The following HACD2 variants were observed in gnomAD, a reference collection of about 807,000 sequenced individuals.
HACD2 encodes the protein very-long-chain (3R)-3-hydroxyacyl-CoA dehydratase 2.
Under a neutral mutation model 31.0 loss-of-function variants are expected in HACD2, and 15 were observed. That is an observed-to-expected ratio of 0.48 (90% confidence interval 0.32 to 0.75). The LOEUF is 0.75. Among genes scored for constraint, HACD2 ranks in the 30% least tolerant of loss-of-function variants. The pLI, the probability that HACD2 is intolerant of heterozygous loss-of-function variation, is 0.03. For synonymous variants in HACD2, 115 were observed against 122.2 expected, an observed-to-expected ratio of 0.94 and a Z score of 0.39; for missense variants, 283 against 313.0, an observed-to-expected ratio of 0.90 and a Z score of 0.72.
At chr3:123,522,332 CAAAAA>C (rs34478912) in intron 4 of HACD2, among the ~76,000 whole-genome samples, 1 of 116,908 alleles carries the variant, frequency 8.6e-6, no homozygotes, top group South Asian at 2.7e-4. Context: ...TGTCTCCAAA[CAAAAA>C]AAAAAAAAAA....
chr3:123,528,241 C>T (rs879898504), intron 4 of HACD2, 145 bp downstream of exon 4: 3 of 614,304 alleles, frequency 4.9e-6, no homozygotes, highest in Non-Finnish European at 5.9e-6. Context: ...CCAGTTCCTA[C>T]AGTGAATGTG....
intron 3 of HACD2, among the ~76,000 whole-genome samples, chr3:123,534,798 T>TTGTGTGTGTG (rs71142740): frequency 1.9e-4 from 29 of 149,082 alleles, no homozygotes; most frequent in East Asian, 3.9e-4. Context: ...AGACGTAGGC[T>TTGTGTGTGTG]TGTGTGTGTG....
chr3:123,577,481 T>C (rs820440), intron 2 of HACD2, among the ~76,000 whole-genome samples: 57,470 of 151,262 alleles, frequency 0.38, 16,340 homozygotes, highest in African/African-American at 0.78. Context: ...ATTAGCCGGG[T>C]GTGGTGGCGG....
intron 4 of HACD2, chr3:123,502,977 A>T (rs2055923855): frequency 3.3e-6 from 1 of 299,752 alleles, no homozygotes; most frequent in Non-Finnish European, 6.4e-6. Flanking sequence ...TCATGCGGAG[A>T]ATGTGGACTG....
intron 3 of HACD2, among the ~76,000 whole-genome samples, chr3:123,547,091 T>C (rs1335925086): frequency 6.6e-6 from 1 of 152,196 alleles, no homozygotes; most frequent in Non-Finnish European, 1.5e-5. Context: ...ATGTGGCAAC[T>C]CAATGTCAGG....
chr3:123,571,478 A>T (rs962131328), intron 2 of HACD2, among the ~76,000 whole-genome samples: 5 of 152,324 alleles, frequency 3.3e-5, no homozygotes, highest in Middle Eastern at 3.4e-3. Context: ...AACAAGAGGG[A>T]TTCAGCAGGC....
rs1328987308 is a variant in HACD2 at position 123,502,937 on chromosome 3, G to A, written c.382-256C>T. Reference sequence around the variant, plus strand: ...GCAGCAGGGTGGGGGTAACAAACACGAGGGGTGGGGATTTACAGGTTTGCC... The same window carrying A: ...GCAGCAGGGTGGGGGTAACAAACACAAGGGGTGGGGATTTACAGGTTTGCC... On this transcript the variant is annotated intron_variant, in intron 4 of 6. Coordinates refer to ENST00000383657, the MANE Select transcript of HACD2 (RefSeq NM_198402.5). The A allele has an allele frequency of 3.4e-5, 13 of 382,172 alleles. No individual in the cohort carries two copies. The East Asian group carries it at 4.8e-4, about 14-fold the overall frequency. The allele number at this position is 382,172 out of a possible 1,614,324, so 23.7% of individuals were successfully genotyped here.
chr3:123,516,513 C>T (rs895844339), intron 4 of HACD2, among the ~76,000 whole-genome samples: 13 of 152,050 alleles, frequency 8.5e-5, no homozygotes, highest in Admixed American at 5.2e-4. Context: ...GGATTACAGG[C>T]GTGTGCCACC....
intron 3 of HACD2, among the ~76,000 whole-genome samples, chr3:123,550,120 G>A (rs7652791): frequency 0.057 from 8,639 of 152,194 alleles, 813 homozygotes; most frequent in African/African-American, 0.2. Context: ...ACCAGCCTGG[G>A]CAACATAGTG....
chr3:123,562,364 C>T (rs775775689), intron 3 of HACD2, among the ~76,000 whole-genome samples: 176 of 152,138 alleles, frequency 1.2e-3, no homozygotes, highest in Middle Eastern at 3.4e-3. Context: ...TTGTCACAAC[C>T]GTGAGCAAGA....
chr3:123,549,278 T>C (rs2056593908), intron 3 of HACD2, among the ~76,000 whole-genome samples: 1 of 152,150 alleles, frequency 6.6e-6, no homozygotes, highest in Non-Finnish European at 1.5e-5. Flanking sequence ...TTATAGACCC[T>C]TGACTCCTTT....
chr3:123,551,283 C>T (rs1315940086), intron 3 of HACD2, among the ~76,000 whole-genome samples: 1 of 152,058 alleles, frequency 6.6e-6, no homozygotes, highest in Non-Finnish European at 1.5e-5. Flanking sequence ...ATCCTCAGTG[C>T]TTTGTCAGTG....
intron 3 of HACD2, among the ~76,000 whole-genome samples, chr3:123,532,954 G>A (rs2056382525): frequency 1.3e-5 from 2 of 151,844 alleles, no homozygotes; most frequent in Admixed American, 6.6e-5. Flanking sequence ...ATACAGGTAG[G>A]AAATTTGTTT....
intron 2 of HACD2, among the ~76,000 whole-genome samples, chr3:123,570,929 CACACACACACACACAT>C (rs1381394700): frequency 6.6e-6 from 1 of 151,664 alleles, no homozygotes; most frequent in African/African-American, 2.4e-5. Flanking sequence ...CACACACACA[CACACACACACACACAT>C]ACACACACAC....
intron 3 of HACD2, among the ~76,000 whole-genome samples, chr3:123,559,706 G>T (rs2056707966): frequency 1.3e-5 from 2 of 152,180 alleles, no homozygotes; most frequent in Non-Finnish European, 2.9e-5. Flanking sequence ...GCACCTTAAG[G>T]TCTCAATAAT....
intron 4 of HACD2, among the ~76,000 whole-genome samples, chr3:123,523,911 T>C (rs2056248355): frequency 6.6e-6 from 1 of 152,226 alleles, no homozygotes; most frequent in Non-Finnish European, 1.5e-5. Context: ...AGTGCAATGA[T>C]TTCAGATCTT....
chr3:123,582,834 G>A (rs1421054999), intron 1 of HACD2, among the ~76,000 whole-genome samples: 1 of 151,672 alleles, frequency 6.6e-6, no homozygotes, highest in Non-Finnish European at 1.5e-5. Context: ...ACGAATAAAG[G>A]GCTCTTGCTA....
chr3:123,519,098 A>G (rs1032679106), intron 4 of HACD2, among the ~76,000 whole-genome samples: 3 of 152,126 alleles, frequency 2.0e-5, no homozygotes, highest in African/African-American at 7.2e-5. Flanking sequence ...GTCTGAAGAA[A>G]ACAAAAGCTA....
chr3:123,551,658 A>G (rs913451154), intron 3 of HACD2, among the ~76,000 whole-genome samples: 1 of 151,838 alleles, frequency 6.6e-6, no homozygotes, highest in African/African-American at 2.4e-5. Flanking sequence ...AATAATAAAT[A>G]CTTGTGGGTT....
Sources: gnomAD v4.1 joint callset for allele counts (sites outside exome capture counted in the v4.1 genomes callset) on GRCh38, gnomAD v4.1.1 for gene constraint, MANE v1.5 for transcripts, NCBI Gene and HGNC (gene_info 2026-07-23, HGNC 2026-07-21) for gene names.